The following NUDT6 variants were observed in gnomAD, a reference collection of about 807,000 sequenced individuals.
The protein encoded by NUDT6 is FAD diphosphatase NUDT6.
In NUDT6, 24 loss-of-function variants were observed where a neutral mutation model predicts 36.8. That is an observed-to-expected ratio of 0.65 (90% confidence interval 0.47 to 0.92). The LOEUF is 0.92. Ranked by LOEUF, NUDT6 falls within the 40% of genes least tolerant of loss-of-function variation. NUDT6 has a pLI of 0.00. For missense variants in NUDT6, 388 were observed against 392.8 expected, an observed-to-expected ratio of 0.99 and a Z score of 0.10; for synonymous variants, 163 against 157.0, an observed-to-expected ratio of 1.04 and a Z score of -0.29.
At chr4:122,902,429 C>T (rs1727542218) in intron 3 of NUDT6, among the ~76,000 whole-genome samples, 1 of 152,158 alleles carries the variant, frequency 6.6e-6, no homozygotes, top group Non-Finnish European at 1.5e-5. Flanking sequence ...AGAAACTTTG[C>T]TTAACTCCAT....
intron 3 of NUDT6, among the ~76,000 whole-genome samples, chr4:122,905,309 T>C (rs569112144): frequency 2.0e-4 from 30 of 152,354 alleles, no homozygotes; most frequent in Non-Finnish European, 4.1e-4. Flanking sequence ...GTATTATTAA[T>C]AAAATCAAGT....
chr4:122,915,664 T>C (rs1727824215), intron 2 of NUDT6, among the ~76,000 whole-genome samples: 1 of 152,162 alleles, frequency 6.6e-6, no homozygotes, highest in Non-Finnish European at 1.5e-5. Flanking sequence ...ATATAGTACT[T>C]AGTTATCAAC....
At chr4:122,896,398 A>C (rs928514116) in intron 4 of NUDT6, 1 of 152,464 alleles carries the variant, frequency 6.6e-6, no homozygotes, top group Non-Finnish European at 1.5e-5. Context: ...GATGCAGGAG[A>C]GAGGAAGCCT....
Position 122,893,053 on chromosome 4 carries a change from T to C in NUDT6, c.726A>G (p.Glu242=). ...GATCCATCCACTCACATCTTAAGCA[T>C]TCTTCCTGGCAAAAATTTATGGTGA... is the stretch of plus-strand genomic sequence containing the variant. ...YSFTINFCQE[E]CLRCEWMDLN... Residue 242 remains glutamate, a synonymous_variant, in exon 5 of 5, where the codon GAA becomes GAG. Coordinates refer to ENST00000304430, the MANE Select transcript of NUDT6 (RefSeq NM_007083.5). 1 of 1,614,176 alleles carries C rather than the reference T, an allele frequency of 6.2e-7. No individual in the cohort carries two copies. The highest frequency in any genetic ancestry group is 1.1e-5 in the South Asian group (1 of 91,082).
At chr4:122,909,206 T>C (rs1727681862) in intron 3 of NUDT6, among the ~76,000 whole-genome samples, 1 of 151,966 alleles carries the variant, frequency 6.6e-6, no homozygotes, top group Non-Finnish European at 1.5e-5. Flanking sequence ...GCTGGGACCA[T>C]AGGTGCGCAC....
intron 3 of NUDT6, among the ~76,000 whole-genome samples, chr4:122,900,683 T>C (rs1393652697): frequency 6.6e-6 from 1 of 152,046 alleles, no homozygotes; most frequent in East Asian, 1.9e-4. Context: ...GACTGTCCAC[T>C]GCTTTTTCAT....
chr4:122,900,562 TCA>T (rs34345802), intron 3 of NUDT6, among the ~76,000 whole-genome samples: 17,463 of 151,236 alleles, frequency 0.12, 1,089 homozygotes, highest in Middle Eastern at 0.22. Context: ...TTGACTGGGG[TCA>T]CACATCTAGT....
intron 3 of NUDT6, chr4:122,898,019 T>C (rs972278038): frequency 5.4e-5 from 11 of 204,638 alleles, no homozygotes; most frequent in African/African-American, 1.4e-4. Context: ...TATGAACAGA[T>C]AGAAGAATCT....
At chr4:122,901,296 T>A (rs1365920751) in intron 3 of NUDT6, among the ~76,000 whole-genome samples, 1 of 152,230 alleles carries the variant, frequency 6.6e-6, no homozygotes, top group African/African-American at 2.4e-5. Flanking sequence ...TTAAAGCATA[T>A]CTGATTTTCA....
chr4:122,920,621 C>T (rs1476017447), intron 1 of NUDT6: 1 of 152,190 alleles, frequency 6.6e-6, no homozygotes, highest in Non-Finnish European at 1.5e-5. Context: ...GGTACTTAAA[C>T]CCAGAATGTG....
At chr4:122,906,710 G>A (rs1433258553) in intron 3 of NUDT6, among the ~76,000 whole-genome samples, 1 of 152,142 alleles carries the variant, frequency 6.6e-6, no homozygotes, top group Non-Finnish European at 1.5e-5. Context: ...TGCATTACCA[G>A]GAGGTTAGGC....
upstream of NUDT6, chr4:122,922,885 A>G (rs1406492082): frequency 7.0e-6 from 4 of 570,280 alleles, no homozygotes; most frequent in African/African-American, 3.8e-5. Context: ...CCTGTTTTTC[A>G]GGAATTTACA....
Position 122,922,488 on chromosome 4 carries a change from C to T in NUDT6, c.85G>A (p.Ala29Thr), listed in dbSNP as rs1334588022. 1.4e-5 allele frequency: 22 copies of T among 1,611,168 alleles called. No individual in the cohort carries two copies. Among genetic ancestry groups the T allele is most frequent in the Non-Finnish European group, 1.8e-5 (21 of 1,179,806 alleles). The change falls in exon 1 of 5, where the codon GCC (alanine) becomes ACC (threonine). Residue 29 changes from alanine to threonine, a missense_variant. By Grantham distance (58) the Ala-to-Thr change is moderately conservative. Transcript: ENST00000304430. ...CGCACGTAACCCTGTGCGCCCGAGG[C>T]CCAGCGGTAACCCGCCGAAGGCCCG... The part of the protein sequence containing the change: ...GPGPSAGYRW[A>T]SGAQGYVRNP...
intron 4 of NUDT6, 100 bp downstream of exon 4, chr4:122,897,524 T>A: frequency 1.2e-6 from 1 of 856,102 alleles, no homozygotes; most frequent in South Asian, 1.4e-5. Flanking sequence ...CGGAACAAAT[T>A]GGAAAATTTA....
chr4:122,919,547 T>C (rs577249704), intron 1 of NUDT6: 1 of 152,352 alleles, frequency 6.6e-6, no homozygotes, highest in African/African-American at 2.4e-5. Context: ...ACTAGCTTCA[T>C]TTATAAGCTT....
At chr4:122,895,426 A>G (rs1727319388) in intron 4 of NUDT6, 1 of 152,210 alleles carries the variant, frequency 6.6e-6, no homozygotes, top group Non-Finnish European at 1.5e-5. Flanking sequence ...TGTTATATTT[A>G]ATAATAGAAT....
chr4:122,910,747 A>T lies in NUDT6; in HGVS notation c.498+1821T>A, dbSNP rs1390564623. ...AAGTATTACAATATTTTGTTTGACCATTGAGTCTAACTCCTAAATTTTATA... is the reference window on the plus strand; with the variant it reads ...AAGTATTACAATATTTTGTTTGACCTTTGAGTCTAACTCCTAAATTTTATA... On this transcript the variant is annotated intron_variant, in intron 3 of 4. Transcript: ENST00000304430. 3.3e-5 allele frequency among the ~76,000 whole-genome samples: 5 copies of T among 152,296 alleles called. No individual in the cohort carries two copies. The East Asian group carries it at 9.6e-4, about 29-fold the overall frequency.
intron 3 of NUDT6, among the ~76,000 whole-genome samples, chr4:122,903,331 AT>A (rs1233245385): frequency 2.0e-5 from 3 of 152,176 alleles, no homozygotes; most frequent in East Asian, 3.8e-4. Context: ...ACATGACTAG[AT>A]TCTGAAAAGC....
chr4:122,905,258 T>G (rs1359543327), intron 3 of NUDT6, among the ~76,000 whole-genome samples: 1 of 152,184 alleles, frequency 6.6e-6, no homozygotes, highest in Non-Finnish European at 1.5e-5. Context: ...CTCAATATGA[T>G]AGTGTGAAGC....
Sources: gnomAD v4.1 joint callset for allele counts (sites outside exome capture counted in the v4.1 genomes callset) on GRCh38, gnomAD v4.1.1 for gene constraint, MANE v1.5 for transcripts, NCBI Gene and HGNC (gene_info 2026-07-23, HGNC 2026-07-21) for gene names.